RASSF2: variants seen among roughly 807,000 people sequenced by gnomAD.
The protein encoded by RASSF2 is Ras association domain family member 2.
Under a neutral mutation model 46.3 loss-of-function variants are expected in RASSF2, and 34 were observed. That is an observed-to-expected ratio of 0.73 (90% confidence interval 0.56 to 0.98). RASSF2 has a LOEUF of 0.98. RASSF2 is among the 50% of genes least tolerant of loss of function. The probability of loss-of-function intolerance (pLI) is 0.00; values close to 1 mark genes in which losing one functional copy is unlikely to be tolerated. For missense variants in RASSF2, 364 were observed against 431.2 expected (o/e 0.84, Z 1.38); for synonymous variants, 158 against 162.5 (o/e 0.97, Z 0.21).
In RASSF2 at chr20:4,780,968, CA is replaced by C. The variant is rs540709164; in HGVS notation, c.*3304del. ...TGGGAAACAGAACCAGACTCTGTCTCAAAAAAAAAAAAAAGAAAGAAAGAAA... is the reference window on the plus strand; with the variant it reads ...TGGGAAACAGAACCAGACTCTGTCTCAAAAAAAAAAAAAGAAAGAAAGAAA... On this transcript the variant is annotated 3_prime_UTR_variant, in exon 12 of 12. Transcript: ENST00000379400. The C allele has an allele frequency of 0.012, 1,626 of 132,774 alleles. 7 individuals carry two copies. The highest frequency in any genetic ancestry group is 0.017 in the Non-Finnish European group (1,043 of 60,988). 8.2% of individuals were successfully genotyped at this position (132,774 alleles called of 1,614,324 possible). A position where few individuals can be genotyped will look rare whatever the true frequency, so the allele number is the denominator to read the frequency against.
In RASSF2 at chr20:4,795,515, A is replaced by C. The variant is rs1926260125; in HGVS notation, c.287+300T>G. On this transcript the variant is annotated intron_variant, in intron 5 of 11. Coordinates refer to ENST00000379400, the MANE Select transcript of RASSF2 (RefSeq NM_014737.3). This position sits in a 1 kb window ranked among gnomAD's most constrained non-coding sequence, Gnocchi z 4.0. Reference sequence around the variant, plus strand: ...GGCCTCACTAGCCACTAGCAGCTCCACTCAGAGACTCCTGAGTTCTCCCTA... The same window carrying C: ...GGCCTCACTAGCCACTAGCAGCTCCCCTCAGAGACTCCTGAGTTCTCCCTA... 1 of 273,402 alleles carries C rather than the reference A, an allele frequency of 3.7e-6. No homozygotes were observed. 16.9% of individuals were successfully genotyped at this position (273,402 alleles called of 1,614,324 possible). A position where few individuals can be genotyped will look rare whatever the true frequency, so the allele number is the denominator to read the frequency against.
At chr20:4,787,183 G>C (rs1044341991) in intron 10 of RASSF2, among the ~76,000 whole-genome samples, 1 of 152,172 alleles carries the variant, frequency 6.6e-6, no homozygotes, top group African/African-American at 2.4e-5. Context: ...TTGTCCATGT[G>C]ACTGGCTTTG....
rs140654627 is a variant in RASSF2 at position 4,788,251 on chromosome 20, C to A, written c.657G>T (p.Glu219Asp). 1.2e-6 allele frequency: 2 copies of A among 1,609,082 alleles called. No homozygotes were observed. Among genetic ancestry groups the A allele is most frequent in the African/African-American group, 2.7e-5 (2 of 74,934 alleles). Reference protein sequence around the residue: ...LNKFKIENSAEEFALYVVHTS... With the variant: ...LNKFKIENSADEFALYVVHTS... Reference sequence around the variant, plus strand: ...TATGGACCACGTACAAGGCAAACTCCTCTGCTGAATTCTCAATCTGAAGCA... The same window carrying A: ...TATGGACCACGTACAAGGCAAACTCATCTGCTGAATTCTCAATCTGAAGCA... The change falls in exon 9 of 12, where the codon GAG (glutamate) becomes GAT (aspartate). Residue 219 changes from glutamate to aspartate, a missense_variant. Glu to Asp is a conservative substitution (Grantham distance 45). Coordinates refer to ENST00000379400, the MANE Select transcript of RASSF2 (RefSeq NM_014737.3).
In RASSF2 at chr20:4,787,670, A is replaced by C. The variant is rs760971921; in HGVS notation, c.776T>G (p.Leu259Arg). ...TTCCTCCACCTGGTCCTTCTCCATT[A>C]GGAACACTTTGGAGATCTGCTCACA... ...GPCEQISKVF[L>R]MEKDQVEEVT... Residue 259 changes from leucine to arginine, a missense_variant, in exon 10 of 12, where the codon CTA (leucine) becomes CGA (arginine). Coordinates refer to ENST00000379400, the MANE Select transcript of RASSF2 (RefSeq NM_014737.3). The C allele has an allele frequency of 6.2e-7, 1 of 1,614,138 alleles. No individual in the cohort carries two copies. The highest frequency in any genetic ancestry group is 1.1e-5 in the South Asian group (1 of 91,080).
intron 2 of RASSF2, among the ~76,000 whole-genome samples, chr20:4,820,460 T>C (rs1373041282): frequency 1.3e-5 from 2 of 152,044 alleles, no homozygotes; most frequent in African/African-American, 4.8e-5. Flanking sequence ...GCATGAGCCA[T>C]GATTGCACCA....
At chr20:4,801,419 G>T (rs2122560882) in intron 2 of RASSF2, among the ~76,000 whole-genome samples, 1 of 152,252 alleles carries the variant, frequency 6.6e-6, no homozygotes, top group East Asian at 1.9e-4. Context: ...TTATCTCAGG[G>T]ACAGCCCGAT....
intron 2 of RASSF2, among the ~76,000 whole-genome samples, chr20:4,811,552 A>ATT (rs1927818545): frequency 1.3e-5 from 2 of 152,128 alleles, no homozygotes; most frequent in Non-Finnish European, 2.9e-5. Flanking sequence ...GGTATTTCAA[A>ATT]GCAGCCCTTC....
chr20:4,792,710 T>C, intron 5 of RASSF2, 83 bp from the exon 6 acceptor site: 1 of 1,514,176 alleles, frequency 6.6e-7, no homozygotes. Flanking sequence ...TGGACCCCAC[T>C]CCTGAAAGGG....
chr20:4,795,954 A>G lies in RASSF2; in HGVS notation c.148T>C (p.Phe50Leu), dbSNP rs1487383470. ...QLRHREEEDE[F>L]IVEGLLNISW... ...ATGTTCAGGAGCCCCTCCACAATGAACTCGTCTTCTTCCTGCCCACAAAGC... is the reference window on the plus strand; with the variant it reads ...ATGTTCAGGAGCCCCTCCACAATGAGCTCGTCTTCTTCCTGCCCACAAAGC... The change falls in exon 5 of 12, where the codon TTC (phenylalanine) becomes CTC (leucine). Residue 50 changes from phenylalanine (F) to leucine (L), a missense_variant. Phe to Leu is a conservative substitution (Grantham distance 22). Transcript: ENST00000379400. The surrounding 1 kb of genome is among the most constrained non-coding windows in gnomAD (Gnocchi z 4.0). 6.6e-7 allele frequency: 1 copy of G among 1,523,508 alleles called. No individual in the cohort carries two copies. The highest frequency in any genetic ancestry group is 2.0e-5 in the Admixed American group (1 of 49,536). The allele number at this position is 1,523,508 out of a possible 1,614,324, so 94.4% of individuals were successfully genotyped here.
At position 4,790,888 on chromosome 20, in the gene RASSF2, T is replaced by C. The variant is rs1043868646; in HGVS notation, c.377-277A>G. ...TAACCTCTCTGTGCCTCGGTGCTTT[T>C]ATATATAAAATAGGGATAATAATAA... On this transcript the variant is annotated intron_variant, in intron 6 of 11. Coordinates refer to ENST00000379400, the MANE Select transcript of RASSF2 (RefSeq NM_014737.3). The surrounding 1 kb of genome is among the most constrained non-coding windows in gnomAD (Gnocchi z 4.3). Among the ~76,000 whole-genome samples, 2 of 152,176 alleles carry C rather than the reference T, an allele frequency of 1.3e-5. No individual in the cohort carries two copies. Among genetic ancestry groups the C allele is most frequent in the African/African-American group, 4.8e-5 (2 of 41,440 alleles).
intron 2 of RASSF2, among the ~76,000 whole-genome samples, chr20:4,810,506 C>A (rs961260281): frequency 6.6e-6 from 1 of 152,152 alleles, no homozygotes; most frequent in Non-Finnish European, 1.5e-5. Context: ...AACGTGCCAC[C>A]TTTCCTTGGT....
intron 4 of RASSF2, among the ~76,000 whole-genome samples, chr20:4,797,276 C>A (rs185393338): frequency 6.6e-6 from 1 of 152,322 alleles, no homozygotes; most frequent in Non-Finnish European, 1.5e-5. Flanking sequence ...TGTCCCCAAG[C>A]AACCTGCCCT....
At position 4,790,379 on chromosome 20, in the gene RASSF2, T is replaced by C. The variant is rs1367828808; in HGVS notation, c.537+72A>G. The stretch of plus-strand genomic sequence containing the variant: ...CCAGGCATCCACACCACCCACCATA[T>C]GGCTGTAGCCCTGAGGTGGCATCTA... On this transcript the variant is annotated intron_variant, in intron 7 of 11. Transcript: ENST00000379400. This position sits in a 1 kb window ranked among gnomAD's most constrained non-coding sequence, Gnocchi z 4.3. 2.9e-6 allele frequency: 4 copies of C among 1,367,098 alleles called. No homozygotes were observed. The highest frequency in any genetic ancestry group is 5.6e-5 in the East Asian group (2 of 35,844). The allele number at this position is 1,367,098 out of a possible 1,614,324, so 84.7% of individuals were successfully genotyped here.
At position 4,787,765 on chromosome 20, in the gene RASSF2, A is replaced by G. The variant is rs1925491854; in HGVS notation, c.692-11T>C. The G allele has an allele frequency of 6.2e-7, 1 of 1,614,118 alleles. No individual in the cohort carries two copies. Among genetic ancestry groups the G allele is most frequent in the Non-Finnish European group, 8.5e-7 (1 of 1,180,012 alleles). On this transcript the variant is annotated splice_polypyrimidine_tract_variant and intron_variant, in intron 9 of 11. Coordinates refer to ENST00000379400, the MANE Select transcript of RASSF2 (RefSeq NM_014737.3). ...TCAGCTTCTGTTTCTCTGCAACCAC[A>G]CACACCCAGGAGCAGCCCTGAGAGG...
intron 8 of RASSF2, among the ~76,000 whole-genome samples, chr20:4,789,079 T>C (rs1925624459): frequency 6.6e-6 from 1 of 152,206 alleles, no homozygotes; most frequent in South Asian, 2.1e-4. Context: ...AAAAGATCTC[T>C]GGTCTCCAAG....
At chr20:4,797,927 G>A in intron 4 of RASSF2, 83 bp downstream of exon 4, 1 of 1,571,458 alleles carries the variant, frequency 6.4e-7, no homozygotes, top group Middle Eastern at 2.3e-4. Flanking sequence ...GGTTCTCTTG[G>A]GACCTCAGGG....
At chr20:4,819,698 A>G (rs1413878853) in intron 2 of RASSF2, among the ~76,000 whole-genome samples, 1 of 152,206 alleles carries the variant, frequency 6.6e-6, no homozygotes, top group Non-Finnish European at 1.5e-5. Context: ...CATTTATAAA[A>G]ATGAGCAGTT....
rs878965249 is a variant in RASSF2, at chr20:4,784,016, G to GTACGCACACACATA, written c.*256_*257insTATGTGTGTGCGTA. The GTACGCACACACATA allele has an allele frequency of 8.8e-5, 47 of 534,770 alleles. No homozygotes were observed. In the South Asian group the frequency reaches 9.4e-4, roughly 11 times the overall value. 33.1% of individuals were successfully genotyped at this position (534,770 alleles called of 1,614,324 possible). A position where few individuals can be genotyped will look rare whatever the true frequency, so the allele number is the denominator to read the frequency against. ...ACACGTACCATGTGTGCACACACATGTACACACACACATTTTGGGTCCTCC... is the reference window on the plus strand; with the variant it reads ...ACACGTACCATGTGTGCACACACATGTACGCACACACATATACACACACACATTTTGGGTCCTCC... On this transcript the variant is annotated 3_prime_UTR_variant, in exon 12 of 12. Coordinates refer to ENST00000379400, the MANE Select transcript of RASSF2 (RefSeq NM_014737.3).
At chr20:4,785,155 CA>C (rs11454727) in intron 11 of RASSF2, among the ~76,000 whole-genome samples, 3,351 of 92,554 alleles carry the variant, frequency 0.036, 62 homozygotes, top group African/African-American at 0.091. Flanking sequence ...ACTAAAAATA[CA>C]AAAAAAAAAA....
Sources: gnomAD v4.1 joint callset for allele counts (sites outside exome capture counted in the v4.1 genomes callset) on GRCh38, gnomAD v4.1.1 for gene constraint, Gnocchi (gnomAD v3.1) non-coding constraint, MANE v1.5 for transcripts, NCBI Gene and HGNC (gene_info 2026-07-23, HGNC 2026-07-21) for gene names.